The following TMEM131L variants were observed in gnomAD, a reference collection of about 807,000 sequenced individuals.
The protein encoded by TMEM131L is transmembrane 131 like, also known as transmembrane protein 131-like.
A neutral mutation model predicts 192.2 loss-of-function variants in TMEM131L; 54 were observed. The observed-to-expected ratio is 0.28, with a 90% CI of 0.23 to 0.35. The LOEUF is 0.35. TMEM131L is among the 10% of genes least tolerant of loss of function. The pLI is 1.00. For missense variants in TMEM131L, 1,888 were observed against 1,972.9 expected (o/e 0.96, Z 0.82); for synonymous variants, 701 against 704.9 (o/e 0.99, Z 0.09).
chr4:153,630,152 C>G (rs1437427557), intron 31 of TMEM131L, among the ~76,000 whole-genome samples: 1 of 152,214 alleles, frequency 6.6e-6, no homozygotes, highest in Non-Finnish European at 1.5e-5. Context: ...CATACACACC[C>G]CTTATTTCTA....
Position 153,580,840 on chromosome 4 carries a change from T to C in TMEM131L, c.675T>C (p.Asn225=), listed in dbSNP as rs1381280743. 1 of 1,611,710 alleles carries C rather than the reference T, an allele frequency of 6.2e-7. No individual in the cohort carries two copies. Among genetic ancestry groups the C allele is most frequent in the East Asian group, 2.2e-5 (1 of 44,868 alleles). ...QLSQMQAETT[N]TSLLQVQLEC... ...TCTTCTTTTAGGCAGAAACCACTAA[T>C]ACTAGCCTCTTGCAGGTGCAACTGG... The change falls in exon 8 of 35, where the codon AAT becomes AAC. Residue 225 remains asparagine, a synonymous_variant. Transcript: ENST00000409959.
intron 2 of TMEM131L, among the ~76,000 whole-genome samples, chr4:153,472,159 C>T (rs560495427): frequency 1.3e-5 from 2 of 152,178 alleles, no homozygotes; most frequent in East Asian, 3.9e-4. Flanking sequence ...ACACACTAAA[C>T]ACTATGAAGT....
At chr4:153,522,682 G>A (rs963870186) in intron 3 of TMEM131L, among the ~76,000 whole-genome samples, 6 of 152,178 alleles carry the variant, frequency 3.9e-5, no homozygotes, top group Admixed American at 1.3e-4. Context: ...GGGTTCCCTC[G>A]CCCTAGCCAG....
chr4:153,588,975 A>ATGG lies in TMEM131L; in HGVS notation c.1639_1641dup (p.Trp547dup). 2.5e-6 allele frequency: 4 copies of ATGG among 1,597,884 alleles called. No individual in the cohort carries two copies. The highest frequency in any genetic ancestry group is 3.4e-6 in the Non-Finnish European group (4 of 1,165,402). On this transcript the variant is annotated inframe_insertion, in exon 16 of 35. Coordinates refer to ENST00000409959, the MANE Select transcript of TMEM131L (RefSeq NM_001131007.2). ...AACTTGCAAATAAATTGTATGAAAGATGGAAGAAATATAAAAATGGTGACG... is the reference window on the plus strand; with the variant it reads ...AACTTGCAAATAAATTGTATGAAAGATGGTGGAAGAAATATAAAAATGGTGACG...
chr4:153,518,643 A>G (rs1734899802), intron 3 of TMEM131L, among the ~76,000 whole-genome samples: 1 of 152,204 alleles, frequency 6.6e-6, no homozygotes. Flanking sequence ...ACATCAGGCC[A>G]ATTACTGAGA....
At chr4:153,634,077 C>A in intron 32 of TMEM131L, 115 bp from the exon 33 acceptor site, 1 of 867,158 alleles carries the variant, frequency 1.2e-6, no homozygotes, top group Admixed American at 1.9e-5. Flanking sequence ...TTTTATTTTC[C>A]AAAATTGGGG....
At chr4:153,543,276 G>A (rs1022110490) in intron 3 of TMEM131L, among the ~76,000 whole-genome samples, 3 of 152,196 alleles carry the variant, frequency 2.0e-5, no homozygotes, top group African/African-American at 7.2e-5. Flanking sequence ...AAGAATGGCA[G>A]TTCCAGCTTA....
chr4:153,577,475 G>T (rs1730031147), intron 7 of TMEM131L, among the ~76,000 whole-genome samples: 1 of 152,104 alleles, frequency 6.6e-6, no homozygotes, highest in East Asian at 1.9e-4. Context: ...GACTTTGTAG[G>T]CTGTACAGTC....
chr4:153,580,699 C>G, intron 7 of TMEM131L, 127 bp from the exon 8 acceptor site: 1 of 601,414 alleles, frequency 1.7e-6, no homozygotes, highest in Non-Finnish European at 3.0e-6. Flanking sequence ...CAGCATTTAG[C>G]AGATACTCAG....
intron 29 of TMEM131L, among the ~76,000 whole-genome samples, chr4:153,625,809 G>A (rs1399940467): frequency 1.3e-5 from 2 of 152,076 alleles, no homozygotes; most frequent in African/African-American, 4.8e-5. Flanking sequence ...TTGGGAGGCT[G>A]AGGCAGGAGA....
At chr4:153,620,652 C>A in intron 26 of TMEM131L, 104 bp from the exon 27 acceptor site, 1 of 663,490 alleles carries the variant, frequency 1.5e-6, no homozygotes, top group Non-Finnish European at 2.4e-6. Context: ...TTTTCAACAG[C>A]ACTGGGACAT....
intron 16 of TMEM131L, among the ~76,000 whole-genome samples, chr4:153,589,853 A>C (rs964659466): frequency 5.3e-5 from 8 of 152,166 alleles, no homozygotes; most frequent in Non-Finnish European, 1.5e-5. Context: ...CTATGTGTAC[A>C]CACACACATA....
chr4:153,531,097 A>G (rs796404019), intron 3 of TMEM131L, among the ~76,000 whole-genome samples: 18 of 152,358 alleles, frequency 1.2e-4, no homozygotes, highest in African/African-American at 3.8e-4. Context: ...TGAGCAGCAG[A>G]TAGATGGATA....
intron 25 of TMEM131L, among the ~76,000 whole-genome samples, chr4:153,606,939 T>A (rs1032735591): frequency 6.6e-6 from 1 of 152,252 alleles, no homozygotes; most frequent in Non-Finnish European, 1.5e-5. Flanking sequence ...GGGAAGTTTG[T>A]ACATGGACAT....
At chr4:153,482,054 A>G (rs1731983052) in intron 3 of TMEM131L, among the ~76,000 whole-genome samples, 1 of 151,768 alleles carries the variant, frequency 6.6e-6, no homozygotes, top group Non-Finnish European at 1.5e-5. Context: ...ACCATGTTGG[A>G]TAAATGGTCT....
At chr4:153,468,630 G>A (rs1171150507) in intron 2 of TMEM131L, among the ~76,000 whole-genome samples, 1 of 152,150 alleles carries the variant, frequency 6.6e-6, no homozygotes, top group Non-Finnish European at 1.5e-5. Flanking sequence ...GACATTTTGG[G>A]CTACAGAGTT....
intron 19 of TMEM131L, among the ~76,000 whole-genome samples, 154 bp downstream of exon 19, chr4:153,594,025 T>G (rs960139990): frequency 3.3e-5 from 5 of 152,204 alleles, no homozygotes; most frequent in African/African-American, 1.2e-4. Context: ...TAGCAGATTT[T>G]TCCAGTTAAC....
At chr4:153,466,824 GGC>G (rs1210003870) in intron 1 of TMEM131L, among the ~76,000 whole-genome samples, 2 of 152,132 alleles carry the variant, frequency 1.3e-5, no homozygotes, top group East Asian at 3.9e-4. Context: ...CGCTTTGTGT[GGC>G]GCGCGCGGGT....
chr4:153,555,920 G>A lies in TMEM131L; in HGVS notation c.432+10G>A. 6.4e-7 allele frequency: 1 copy of A among 1,551,070 alleles called. No individual in the cohort carries two copies. Among genetic ancestry groups the A allele is most frequent in the Non-Finnish European group, 8.7e-7 (1 of 1,146,638 alleles). On this transcript the variant is annotated intron_variant, in intron 5 of 34. Coordinates refer to ENST00000409959, the MANE Select transcript of TMEM131L (RefSeq NM_001131007.2). The surrounding 1 kb of genome is among the most constrained non-coding windows in gnomAD (Gnocchi z 4.1). ...GCCAGTTCCCTGCAGGGTGGGTGTT[G>A]ATGGACTCCTGGAAACTATGCCGTG...
Sources: allele counts gnomAD v4.1 joint callset (sites outside exome capture counted in the v4.1 genomes callset), GRCh38; gene constraint gnomAD v4.1.1; non-coding constraint Gnocchi (gnomAD v3.1); transcripts MANE v1.5; gene names NCBI Gene and HGNC (gene_info 2026-07-23, HGNC 2026-07-21).